PCDHAC1: variants seen among roughly 807,000 people sequenced by gnomAD.
The protein encoded by PCDHAC1 is protocadherin alpha subfamily C, 1, also known as protocadherin alpha-C1.
PCDHAC1 carries 42 observed loss-of-function variants against 60.0 expected under a neutral mutation model. The ratio of observed to expected loss-of-function variants is 0.70; its 90% confidence interval spans 0.55 to 0.90. The LOEUF (loss-of-function observed/expected upper bound fraction) is 0.90. PCDHAC1 is among the 40% of genes least tolerant of loss of function. The probability of loss-of-function intolerance (pLI) is 0.00; values close to 1 mark genes in which losing one functional copy is unlikely to be tolerated. For synonymous variants in PCDHAC1, 468 were observed against 499.3 expected (o/e 0.94, Z 0.84); for missense variants, 1,160 against 1,222.3 (o/e 0.95, Z 0.76).
At chr5:140,970,585 T>G (rs1554232585) in intron 1 of PCDHAC1, among the ~76,000 whole-genome samples, 2 of 152,244 alleles carry the variant, frequency 1.3e-5, no homozygotes, top group Non-Finnish European at 2.9e-5. Context: ...ATAACAGAGA[T>G]ATGCTTTGTG....
chr5:140,947,763 AAT>A (rs1396909113), intron 1 of PCDHAC1, among the ~76,000 whole-genome samples: 1 of 151,658 alleles, frequency 6.6e-6, no homozygotes, highest in Non-Finnish European at 1.5e-5. Flanking sequence ...TGGTTTAAAA[AAT>A]TCTATTGTAA....
intron 3 of PCDHAC1, among the ~76,000 whole-genome samples, chr5:140,992,705 T>C (rs1291266922): frequency 6.6e-6 from 1 of 152,188 alleles, no homozygotes; most frequent in African/African-American, 2.4e-5. Flanking sequence ...GTAATGTTCC[T>C]GCCAGTATTC....
intron 1 of PCDHAC1, chr5:140,929,720 C>A (rs146702581): frequency 4.5e-6 from 1 of 224,040 alleles, no homozygotes; most frequent in Admixed American, 5.9e-5. Context: ...GAAGGTGAAA[C>A]ATTTACTTAA....
At chr5:140,975,935 C>A (rs1351802479) in intron 1 of PCDHAC1, among the ~76,000 whole-genome samples, 1 of 152,060 alleles carries the variant, frequency 6.6e-6, no homozygotes, top group Non-Finnish European at 1.5e-5. Flanking sequence ...ACCTTTGAAG[C>A]AATAGGACAT....
rs2092672361 is a variant in PCDHAC1, at chr5:140,940,726, G to A, written c.2433+11401G>A. On this transcript the variant is annotated intron_variant, in intron 1 of 3. Coordinates refer to ENST00000253807, the MANE Select transcript of PCDHAC1 (RefSeq NM_018898.5). Reference sequence around the variant, plus strand: ...ATACCTGCTGTGTGCTGTTTCAGCTGGACAGCTCCATATTTTTATGTGTGC... The same window carrying A: ...ATACCTGCTGTGTGCTGTTTCAGCTAGACAGCTCCATATTTTTATGTGTGC... 3.9e-5 allele frequency among the ~76,000 whole-genome samples: 6 copies of A among 152,124 alleles called. No homozygotes were observed. The South Asian group carries it at 1.2e-3, about 31-fold the overall frequency.
chr5:140,927,485 C>T lies in PCDHAC1; in HGVS notation c.593C>T (p.Thr198Ile). The change falls in exon 1 of 4, where the codon ACC (threonine) becomes ATC (isoleucine). Residue 198 changes from threonine (T) to isoleucine (I), a missense_variant. Around this residue, in one of 3 missense-constraint regions of PCDHAC1, gnomAD observed 1,113 missense variants for 1,163.7 expected, o/e 0.96. Coordinates refer to ENST00000253807, the MANE Select transcript of PCDHAC1 (RefSeq NM_018898.5). Reference sequence around the variant, plus strand: ...GCACTGGATCGCGAACAGCGCGCCACCCACCTGCTGGTGCTTACAGCTCGG... The same window carrying T: ...GCACTGGATCGCGAACAGCGCGCCATCCACCTGCTGGTGCTTACAGCTCGG... ...EKALDREQRA[T>I]HLLVLTARDG... 1 of 1,614,098 alleles carries T rather than the reference C, an allele frequency of 6.2e-7. No individual in the cohort carries two copies. Among genetic ancestry groups the T allele is most frequent in the Non-Finnish European group, 8.5e-7 (1 of 1,180,042 alleles).
rs920860677 is a variant in PCDHAC1, at chr5:140,985,387, C to T, written c.2581+2824C>T. Among the ~76,000 whole-genome samples the T allele has an allele frequency of 3.0e-4, 45 of 152,272 alleles. 1 individual carries two copies. Among genetic ancestry groups the T allele is most frequent in the African/African-American group, 9.9e-4 (41 of 41,542 alleles). On this transcript the variant is annotated intron_variant, in intron 3 of 3. Transcript: ENST00000253807. ...GTTATCTGGGTCTATATAATCCAGTCACCCCAACTGTTCCCCTGGAAATGG... is the reference window on the plus strand; with the variant it reads ...GTTATCTGGGTCTATATAATCCAGTTACCCCAACTGTTCCCCTGGAAATGG...
At position 140,959,344 on chromosome 5, in the gene PCDHAC1, C is replaced by T. The variant is rs541663379; in HGVS notation, c.2434-19605C>T. Among the ~76,000 whole-genome samples the T allele has an allele frequency of 2.0e-4, 30 of 152,112 alleles. No individual in the cohort carries two copies. The South Asian group carries it at 6.0e-3, about 31-fold the overall frequency. On this transcript the variant is annotated intron_variant, in intron 1 of 3. Coordinates refer to ENST00000253807, the MANE Select transcript of PCDHAC1 (RefSeq NM_018898.5). Reference sequence around the variant, plus strand: ...AAGTTTTGATTATGCTACTGCACTCCAGCGGGACAACTGAGTGAGACCCTG... The same window carrying T: ...AAGTTTTGATTATGCTACTGCACTCTAGCGGGACAACTGAGTGAGACCCTG...
intron 3 of PCDHAC1, among the ~76,000 whole-genome samples, chr5:141,003,475 G>A (rs934289848): frequency 2.0e-5 from 3 of 151,932 alleles, no homozygotes; most frequent in Non-Finnish European, 2.9e-5. Flanking sequence ...CCACAGTCTC[G>A]CTAATTTTTA....
intron 1 of PCDHAC1, among the ~76,000 whole-genome samples, chr5:140,952,726 A>C (rs2094788337): frequency 6.6e-6 from 1 of 152,188 alleles, no homozygotes; most frequent in African/African-American, 2.4e-5. Context: ...TTTCTGTACT[A>C]GTCTTTTCTC....
intron 1 of PCDHAC1, among the ~76,000 whole-genome samples, chr5:140,951,752 G>A (rs246039): frequency 0.51 from 77,303 of 151,800 alleles, 20,616 homozygotes; most frequent in African/African-American, 0.68. Context: ...CTCACCCTCC[G>A]CGAAATCTCA....
Position 140,953,715 on chromosome 5 carries a change from A to T in PCDHAC1, c.2433+24390A>T, listed in dbSNP as rs535385036. Among the ~76,000 whole-genome samples the T allele has an allele frequency of 2.6e-5, 4 of 152,312 alleles. No homozygotes were observed. The South Asian group carries it at 6.2e-4, about 24-fold the overall frequency. On this transcript the variant is annotated intron_variant, in intron 1 of 3. Transcript: ENST00000253807. ...TGATCTACTAGACTGAGCTTCAGAC[A>T]TTGTGTTTTGAAATTTTTGCTTAAC...
Position 140,951,753 on chromosome 5 carries a change from C to T in PCDHAC1, c.2433+22428C>T, listed in dbSNP as rs140119406. ...ATTCTGCCACTGCCCTCACCCTCCGCGAAATCTCATGACGTTCTTACATTG... is the reference window on the plus strand; with the variant it reads ...ATTCTGCCACTGCCCTCACCCTCCGTGAAATCTCATGACGTTCTTACATTG... On this transcript the variant is annotated intron_variant, in intron 1 of 3. Transcript: ENST00000253807. Among the ~76,000 whole-genome samples the T allele has an allele frequency of 7.0e-3, 1,059 of 152,208 alleles. 11 individuals are homozygous for T. The highest frequency in any genetic ancestry group is 0.014 in the Admixed American group (209 of 15,290).
intron 3 of PCDHAC1, among the ~76,000 whole-genome samples, chr5:140,986,982 G>A (rs782173410): frequency 3.9e-5 from 6 of 152,164 alleles, no homozygotes; most frequent in Non-Finnish European, 8.8e-5. Context: ...GGGAGGCCAA[G>A]GCAGGCAGAT....
At chr5:140,993,459 TTCTCAC>T (rs2097559303) in intron 3 of PCDHAC1, among the ~76,000 whole-genome samples, 1 of 83,038 alleles carries the variant, frequency 1.2e-5, no homozygotes, top group African/African-American at 4.6e-5. Context: ...CCTTCTTTCT[TTCTCAC>T]ACACACACAC....
intron 1 of PCDHAC1, among the ~76,000 whole-genome samples, chr5:140,964,320 T>C (rs782388382): frequency 1.3e-5 from 2 of 152,206 alleles, no homozygotes; most frequent in Non-Finnish European, 2.9e-5. Context: ...TAAAACAGCA[T>C]AATGGACAAC....
intron 1 of PCDHAC1, among the ~76,000 whole-genome samples, chr5:140,935,064 T>C (rs782620164): frequency 5.9e-5 from 9 of 152,252 alleles, no homozygotes; most frequent in Admixed American, 2.0e-4. Flanking sequence ...GATGTTCAGA[T>C]TATCTTGTAC....
At chr5:140,993,509 C>T (rs930990761) in intron 3 of PCDHAC1, among the ~76,000 whole-genome samples, 23 of 143,490 alleles carry the variant, frequency 1.6e-4, no homozygotes, top group Admixed American at 3.5e-4. Context: ...CACACACACA[C>T]GGGGAGAGAG....
At chr5:140,976,424 G>A (rs2096715736) in intron 1 of PCDHAC1, among the ~76,000 whole-genome samples, 1 of 152,114 alleles carries the variant, frequency 6.6e-6, no homozygotes, top group Non-Finnish European at 1.5e-5. Flanking sequence ...GGTGGCAGAT[G>A]CCTGTAATCC....
Sources: allele counts gnomAD v4.1 joint callset (sites outside exome capture counted in the v4.1 genomes callset), GRCh38; gene constraint gnomAD v4.1.1; regional missense constraint gnomAD v4.1.1; transcripts MANE v1.5; gene names NCBI Gene and HGNC (gene_info 2026-07-23, HGNC 2026-07-21).